PCDH11Y: variants seen among roughly 807,000 people sequenced by gnomAD.
PCDH11Y encodes the protein protocadherin 11 Y-linked, also known as protocadherin-11 Y-linked.
For synonymous variants in PCDH11Y, 9 were observed against 83.6 expected (o/e 0.11, Z 4.87); for missense variants, 12 against 224.8 (o/e 0.05, Z 6.05).
intron 4 of PCDH11Y, among the ~76,000 whole-genome samples, chrY:5,722,328 TTCTA>T (rs2053595479): frequency 3.1e-5 from 1 of 32,213 alleles, no homozygotes; most frequent in Non-Finnish European, 7.6e-5. Context: ...TTATTTTTTA[TTCTA>T]TCTGACAATG....
intron 3 of PCDH11Y, among the ~76,000 whole-genome samples, chrY:5,036,559 T>C (rs2052599085): frequency 3.0e-5 from 1 of 32,962 alleles, no homozygotes; most frequent in Non-Finnish European, 7.5e-5. Context: ...ACACAGCTAG[T>C]GAGTGGTGGA....
intron 2 of PCDH11Y, among the ~76,000 whole-genome samples, chrY:5,451,319 C>A: frequency 6.1e-5 from 2 of 32,635 alleles, no homozygotes; most frequent in Non-Finnish European, 1.5e-4. Flanking sequence ...AGGAAATTTG[C>A]ATTTGTTAAT....
At chrY:5,543,238 AC>A (rs2053409542) in intron 3 of PCDH11Y, among the ~76,000 whole-genome samples, 1 of 34,089 alleles carries the variant, frequency 2.9e-5, no homozygotes, top group African/African-American at 1.1e-4. Flanking sequence ...CCTTTAAATA[AC>A]ATTTTACCAA....
At chrY:5,508,317 A>G (rs2053361023) in intron 3 of PCDH11Y, among the ~76,000 whole-genome samples, 1 of 33,036 alleles carries the variant, frequency 3.0e-5, no homozygotes, top group Non-Finnish European at 7.5e-5. Flanking sequence ...TTTACATTTT[A>G]TTGAATATTG....
rs375690925 is a variant in PCDH11Y at position 5,075,661 on chromosome Y, G to A, written c.636+18202G>A. On this transcript the variant is annotated intron_variant, in intron 1 of 1. Transcript: ENST00000215473. ...TTAGCTCCCACAAATATGTGAGAAC[G>A]TGTGAAGTTTCTCTTTCTGTGCCTG... Among the ~76,000 whole-genome samples the A allele has an allele frequency of 4.6e-3, 153 of 33,524 alleles. No homozygotes were observed. In the East Asian group the frequency reaches 0.098, roughly 21 times the overall value. The allele number at this position is 33,524 out of a possible 37,273, so 89.9% of individuals were successfully genotyped here.
At chrY:5,231,721 C>T (rs2124653828) in intron 2 of PCDH11Y, among the ~76,000 whole-genome samples, 7 of 33,433 alleles carry the variant, frequency 2.1e-4, no homozygotes, top group African/African-American at 8.2e-4. Flanking sequence ...AGCCTATGTT[C>T]TTCCCTTCAT....
At chrY:5,636,743 C>A (rs2053518162) in intron 4 of PCDH11Y, among the ~76,000 whole-genome samples, 31 of 32,869 alleles carry the variant, frequency 9.4e-4, no homozygotes, top group Admixed American at 8.7e-3. Context: ...CATTAGATAG[C>A]CAACTGTATA....
intron 2 of PCDH11Y, among the ~76,000 whole-genome samples, chrY:5,424,015 T>C: frequency 3.0e-5 from 1 of 33,503 alleles, no homozygotes; most frequent in Non-Finnish European, 7.4e-5. Context: ...ACTTCTACCA[T>C]GTCTAAAATT....
intron 3 of PCDH11Y, among the ~76,000 whole-genome samples, chrY:5,045,923 G>A (rs2052636192): frequency 3.0e-5 from 1 of 32,925 alleles, no homozygotes; most frequent in African/African-American, 1.2e-4. Flanking sequence ...AGGCTTCTGC[G>A]TTCTTCACGT....
At chrY:5,327,486 T>G in intron 2 of PCDH11Y, among the ~76,000 whole-genome samples, 1 of 33,743 alleles carries the variant, frequency 3.0e-5, no homozygotes, top group Non-Finnish European at 7.3e-5. Flanking sequence ...TGTAGCAGGC[T>G]AGTGTTAACA....
At chrY:5,461,551 C>G in intron 2 of PCDH11Y, among the ~76,000 whole-genome samples, 3 of 33,307 alleles carry the variant, frequency 9.0e-5, no homozygotes, top group Non-Finnish European at 1.5e-4. Context: ...AAAATTTTGA[C>G]AGAAGACAAA....
chrY:5,507,592 A>G, intron 3 of PCDH11Y, among the ~76,000 whole-genome samples: 2 of 32,855 alleles, frequency 6.1e-5, no homozygotes, highest in Admixed American at 2.8e-4. Context: ...TATCTTAAAT[A>G]TAATATGGAT....
At chrY:5,613,969 T>C (rs2053490598) in intron 4 of PCDH11Y, among the ~76,000 whole-genome samples, 1 of 23,445 alleles carries the variant, frequency 4.3e-5, no homozygotes, top group African/African-American at 1.7e-4. Flanking sequence ...GAAGTATCAG[T>C]AAATGCATAA....
At chrY:5,494,538 GACAC>G (rs750654504) in intron 2 of PCDH11Y, among the ~76,000 whole-genome samples, 14 of 27,806 alleles carry the variant, frequency 5.0e-4, no homozygotes, top group Non-Finnish European at 6.1e-4. Context: ...CACACACACA[GACAC>G]ACACACACAC....
chrY:5,175,387 ATTATAC>A (rs2052892293), intron 2 of PCDH11Y, among the ~76,000 whole-genome samples: 1 of 29,316 alleles, frequency 3.4e-5, no homozygotes. Context: ...TTCTTTTTTA[ATTATAC>A]TCTAAGTTTT....
At chrY:5,494,731 A>T (rs2124687258) in intron 2 of PCDH11Y, among the ~76,000 whole-genome samples, 1 of 33,573 alleles carries the variant, frequency 3.0e-5, no homozygotes, top group Non-Finnish European at 7.4e-5. Context: ...AACATGAGAA[A>T]TGAGACTATT....
At chrY:5,431,145 A>C in intron 2 of PCDH11Y, among the ~76,000 whole-genome samples, 1 of 33,550 alleles carries the variant, frequency 3.0e-5, no homozygotes, top group South Asian at 6.6e-4. Flanking sequence ...ACGTACTTTC[A>C]GAAAAAATTG....
At chrY:5,630,378 C>A (rs207480470) in intron 4 of PCDH11Y, among the ~76,000 whole-genome samples, 1 of 33,262 alleles carries the variant, frequency 3.0e-5, no homozygotes. Flanking sequence ...TGCATTTCTG[C>A]GGCAGCTGTG....
intron 3 of PCDH11Y, among the ~76,000 whole-genome samples, chrY:5,547,974 A>T: frequency 3.2e-5 from 1 of 30,799 alleles, no homozygotes; most frequent in African/African-American, 1.3e-4. Flanking sequence ...GGCAGAAAAC[A>T]TCCAGAAAAG....
Sources: allele counts gnomAD v4.1 joint callset (sites outside exome capture counted in the v4.1 genomes callset), GRCh38; gene constraint gnomAD v4.1.1; transcripts MANE v1.5; gene names NCBI Gene and HGNC (gene_info 2026-07-23, HGNC 2026-07-21).